Variants in TTN observed in about 807,000 individuals in gnomAD.
TTN encodes the protein titin.
A neutral mutation model predicts 3,223.0 loss-of-function variants in TTN; 1,525 were observed. The observed-to-expected ratio is 0.47, with a 90% CI of 0.45 to 0.49. TTN has a LOEUF of 0.49. Among genes scored for constraint, TTN ranks in the 20% least tolerant of loss-of-function variants. The pLI is 0.00. For missense variants in TTN, 40,786 were observed against 43,424.0 expected (o/e 0.94, Z 5.40); for synonymous variants, 14,094 against 15,161.0 (o/e 0.93, Z 5.17).
chr2:178,617,039 T>C, intron 255 of TTN, 26 bp from the exon 256 acceptor site: 1 of 1,611,802 alleles, frequency 6.2e-7, no homozygotes, highest in Non-Finnish European at 8.5e-7. Flanking sequence ...GTTAATGAGT[T>C]TGCAGTGCCA....
At chr2:178,646,764 T>C (rs1024449842) in intron 215 of TTN, among the ~76,000 whole-genome samples, 10 of 152,198 alleles carry the variant, frequency 6.6e-5, no homozygotes, top group Admixed American at 2.6e-4. Flanking sequence ...TGTATATTGA[T>C]GGCAAATGAG....
intron 228 of TTN, 51 bp downstream of exon 228, chr2:178,635,114 T>C (rs2060272683): frequency 1.2e-6 from 2 of 1,601,270 alleles, no homozygotes; most frequent in Middle Eastern, 1.7e-4. Flanking sequence ...TCCTGAATAT[T>C]GGATGTGGTT....
At position 178,592,575 on chromosome 2, in the gene TTN, G is replaced by T; in HGVS notation, c.59430C>A (p.Ile19810=). 6.2e-7 allele frequency: 1 copy of T among 1,613,450 alleles called. No individual in the cohort carries two copies. Among genetic ancestry groups the T allele is most frequent in the Non-Finnish European group, 8.5e-7 (1 of 1,179,598 alleles). The change falls in exon 301 of 363, where the codon ATC becomes ATA. Residue 19810 remains isoleucine, a synonymous_variant. Transcript: ENST00000589042. ...TTACTTTTGGGAATGGCACTCCTTTGATGATGGCACTAAGTCTTAGAGTAT... is the reference window on the plus strand; with the variant it reads ...TTACTTTTGGGAATGGCACTCCTTTTATGATGGCACTAAGTCTTAGAGTAT... The part of the protein sequence containing the change: ...VGDTLRLSAI[I]KGVPFPKVTW...
Position 178,528,744 on chromosome 2 carries a change from G to A in TTN, c.107007C>T (p.His35669=). The A allele has an allele frequency of 6.2e-7, 1 of 1,613,236 alleles. No individual in the cohort carries two copies. Among genetic ancestry groups the A allele is most frequent in the South Asian group, 1.1e-5 (1 of 91,022 alleles). ...TGCAGGTGAGGATTCCTTCATCTCT[G>A]TGACTGGCTTGCTTGATGGTTAGGG... ...DQTLTIKQAS[H]RDEGILTCIS... The change falls in exon 360 of 363, where the codon CAC becomes CAT. Residue 35669 remains histidine, a synonymous_variant. Coordinates refer to ENST00000589042, the MANE Select transcript of TTN (RefSeq NM_001267550.2).
chr2:178,532,535 A>C lies in TTN; in HGVS notation c.104080T>G (p.Ser34694Ala), dbSNP rs768203673. 24 of 1,613,962 alleles carry C rather than the reference A, an allele frequency of 1.5e-5. No homozygotes were observed. The highest frequency in any genetic ancestry group is 2.0e-5 in the Non-Finnish European group (24 of 1,179,854). ...TGTGGAGGGCTTCGACTTGGGGGTGAAGCTGAAAAACCTAACTCAAGCTCT... is the reference window on the plus strand; with the variant it reads ...TGTGGAGGGCTTCGACTTGGGGGTGCAGCTGAAAAACCTAACTCAAGCTCT... ...EEELELGFSASPPSRSPPHFE... is the reference protein window; with the variant it reads ...EEELELGFSAAPPSRSPPHFE... Residue 34694 changes from serine to alanine, a missense_variant, in exon 358 of 363, where the codon TCA (serine) becomes GCA (alanine). By Grantham distance (99) the Ser-to-Ala change is moderately conservative. Coordinates refer to ENST00000589042, the MANE Select transcript of TTN (RefSeq NM_001267550.2).
chr2:178,641,010 A>G (rs1358428970), intron 220 of TTN, among the ~76,000 whole-genome samples: 1 of 151,964 alleles, frequency 6.6e-6, no homozygotes, highest in East Asian at 1.9e-4. Context: ...GGAAGAACTT[A>G]AGTTGCAAAG....
In TTN at chr2:178,557,743, G is replaced by C. The variant is rs72648228; in HGVS notation, c.87611C>G (p.Thr29204Arg). 171 of 1,613,948 alleles carry C rather than the reference G, an allele frequency of 1.1e-4. No individual in the cohort carries two copies. The African/African-American group carries it at 2.1e-3, about 20-fold the overall frequency. Residue 29204 changes from threonine (T) to arginine (R), a missense_variant, in exon 328 of 363, where the codon ACA (threonine) becomes AGA (arginine). Thr to Arg is a moderately conservative substitution (Grantham distance 71). Transcript: ENST00000589042. ...RTMMKVMKLT[T>R]GEEYQFRIKA... ...GATGCGGAATTGGTATTCTTCTCCT[G>C]TGGTCAGTTTCATGACTTTCATCAT...
In TTN at chr2:178,575,235, G is replaced by A. The variant is rs1416809586; in HGVS notation, c.70897C>T (p.Leu23633=). ...TTCTGATAGATGCCACGGAGATCCA[G>A]CTCTGGAAGCATTGTCTGCTCCTTG... The part of the protein sequence containing the change: ...IVKEQTMLPE[L]DLRGIYQKLV... Residue 23633 remains leucine, a synonymous_variant, in exon 326 of 363, where the codon CTG becomes TTG. Coordinates refer to ENST00000589042, the MANE Select transcript of TTN (RefSeq NM_001267550.2). The surrounding 1 kb of genome is among the most constrained non-coding windows in gnomAD (Gnocchi z 4.0). 6.2e-7 allele frequency: 1 copy of A among 1,612,984 alleles called. No individual in the cohort carries two copies. The highest frequency in any genetic ancestry group is 8.5e-7 in the Non-Finnish European group (1 of 1,179,516).
rs1429064462 is a variant in TTN, at chr2:178,542,505, A to G, written c.97251T>C (p.Ile32417=). 1 of 1,612,576 alleles carries G rather than the reference A, an allele frequency of 6.2e-7. No homozygotes were observed. The highest frequency in any genetic ancestry group is 8.5e-7 in the Non-Finnish European group (1 of 1,178,772). The change falls in exon 349 of 363, where the codon ATT becomes ATC. Residue 32417 remains isoleucine (I), a synonymous_variant. Coordinates refer to ENST00000589042, the MANE Select transcript of TTN (RefSeq NM_001267550.2). ...ATTCAGGTGGTTCCCAGGAAATGGT[A>G]ATTGATGTAGCATCAATTTCATCAA... ...IKIDEIDATS[I]TISWEPPELD...
At position 178,622,737 on chromosome 2, in the gene TTN, GTGAGTGGTC is replaced by G. The variant is rs1436256356; in HGVS notation, c.44837_44845del (p.Arg14946_Leu14948del). The G allele has an allele frequency of 6.2e-7, 1 of 1,605,256 alleles. No homozygotes were observed. Among genetic ancestry groups the G allele is most frequent in the Non-Finnish European group, 8.5e-7 (1 of 1,175,776 alleles). On this transcript the variant is annotated inframe_deletion, in exon 243 of 363. Coordinates refer to ENST00000589042, the MANE Select transcript of TTN (RefSeq NM_001267550.2). ...TTCTTTTTCTCTAACTTGAAGGTCG[GTGAGTGGTC>G]TTAAGAATTCCACATGAGGAGCTGT...
Position 178,539,430 on chromosome 2 carries a change from T to C in TTN, c.98635A>G (p.Ser32879Gly), listed in dbSNP as rs376395673. Reference protein sequence around the residue: ...RVSAENQFGISKPLKSEEPVT... With the variant: ...RVSAENQFGIGKPLKSEEPVT... ...GGTTCCTCAGATTTCAAGGGTTTGC[T>C]TATGCCAAACTGGTTTTCTGCTGAA... Residue 32879 changes from serine (S) to glycine (G), a missense_variant, in exon 352 of 363, where the codon AGC (serine) becomes GGC (glycine). Coordinates refer to ENST00000589042, the MANE Select transcript of TTN (RefSeq NM_001267550.2). 2 of 1,613,854 alleles carry C rather than the reference T, an allele frequency of 1.2e-6. No homozygotes were observed. Among genetic ancestry groups the C allele is most frequent in the Non-Finnish European group, 1.7e-6 (2 of 1,179,790 alleles).
Position 178,768,732 on chromosome 2 carries a change from G to A in TTN, c.9104C>T (p.Ala3035Val). 3 of 1,614,106 alleles carry A rather than the reference G, an allele frequency of 1.9e-6. No homozygotes were observed. The highest frequency in any genetic ancestry group is 2.5e-6 in the Non-Finnish European group (3 of 1,180,008). ...LNIRNVHFGD[A>V]ADYTFVAGKA... ...TCCAGCCACAAAGGTGTAGTCAGCA[G>A]CATCCCCAAAGTGAACATTCCTGAT... is the stretch of plus-strand genomic sequence containing the variant. The change falls in exon 38 of 363, where the codon GCT becomes GTT. Residue 3035 changes from alanine (A) to valine (V), a missense_variant. Physicochemically the swap from Ala to Val is moderately conservative, Grantham distance 64 (BLOSUM62 0). Coordinates refer to ENST00000589042, the MANE Select transcript of TTN (RefSeq NM_001267550.2).
chr2:178,777,530 G>A lies in TTN; in HGVS notation c.4535C>T (p.Thr1512Ile), dbSNP rs375794484. 6 of 1,613,894 alleles carry A rather than the reference G, an allele frequency of 3.7e-6. No individual in the cohort carries two copies. In the African/African-American group the frequency reaches 8.0e-5, roughly 22 times the overall value. The part of the protein sequence containing the change: ...THKVVIKEDG[T>I]QSLIIVPATP... ...GGCAGGGACAATAATTAGTGATTGAGTACCATCTTCTTTAATGACTACTTT... is the reference window on the plus strand; with the variant it reads ...GGCAGGGACAATAATTAGTGATTGAATACCATCTTCTTTAATGACTACTTT... Residue 1512 changes from threonine (T) to isoleucine (I), a missense_variant, in exon 26 of 363, where the codon ACT (threonine) becomes ATT (isoleucine). Thr to Ile is a moderately conservative substitution (Grantham distance 89). Transcript: ENST00000589042.
Position 178,723,974 on chromosome 2 carries a change from T to G in TTN, c.21285A>C (p.Ser7095=), listed in dbSNP as rs1205152290. 8 of 1,613,502 alleles carry G rather than the reference T, an allele frequency of 5.0e-6. No individual in the cohort carries two copies. Among genetic ancestry groups the G allele is most frequent in the Non-Finnish European group, 6.8e-6 (8 of 1,179,642 alleles). ...VSGAKYQTTF[S]DNVCTLQLNS... ...TCAACTGCAATGTGCAGACATTATC[T>G]GAAAATGTGGTTTGGTACTTTGCTC... The change falls in exon 73 of 363, where the codon TCA becomes TCC. Residue 7095 remains serine, a synonymous_variant. Transcript: ENST00000589042.
intron 100 of TTN, 109 bp from the exon 101 acceptor site, chr2:178,707,063 T>C: frequency 1.1e-6 from 1 of 890,778 alleles, no homozygotes; most frequent in Non-Finnish European, 1.7e-6. Context: ...AAGTAAGTAC[T>C]GCAGAATTCT....
rs1205546695 is a variant in TTN at position 178,756,447 on chromosome 2, C to T, written c.11029G>A (p.Ala3677Thr). ...TCTTTTAAAACACAGAGGAATTGAG[C>T]CGTGTCACCGCACTTTACAGTGACG... ...QDVTVKCGDTAQFLCVLKDDS... is the reference protein window; with the variant it reads ...QDVTVKCGDTTQFLCVLKDDS... Residue 3677 changes from alanine (A) to threonine (T), a missense_variant, in exon 46 of 363, where the codon GCT (alanine) becomes ACT (threonine). Ala to Thr is a moderately conservative substitution (Grantham distance 58). Transcript: ENST00000589042. 1 of 1,613,770 alleles carries T rather than the reference C, an allele frequency of 6.2e-7. No homozygotes were observed. Among genetic ancestry groups the T allele is most frequent in the Non-Finnish European group, 8.5e-7 (1 of 1,179,790 alleles).
At position 178,631,101 on chromosome 2, in the gene TTN, T is replaced by C. The variant is rs2059746365; in HGVS notation, c.43947A>G (p.Lys14649=). ...KRMLILKKAL[K]SDIGQYTCDC... Reference sequence around the variant, plus strand: ...CACAGGTGTACTGTCCAATATCTGATTTCAAGGCTTTCTTTAGGATTAGCA... The same window carrying C: ...CACAGGTGTACTGTCCAATATCTGACTTCAAGGCTTTCTTTAGGATTAGCA... Residue 14649 remains lysine, a synonymous_variant, in exon 237 of 363, where the codon AAA becomes AAG. Coordinates refer to ENST00000589042, the MANE Select transcript of TTN (RefSeq NM_001267550.2). 6.8e-6 allele frequency: 11 copies of C among 1,613,394 alleles called. No individual in the cohort carries two copies. Among genetic ancestry groups the C allele is most frequent in the Non-Finnish European group, 9.3e-6 (11 of 1,179,594 alleles).
At chr2:178,677,345 T>C (rs2068320682) in intron 146 of TTN, 58 bp from the exon 147 acceptor site, 2 of 467,004 alleles carry the variant, frequency 4.3e-6, no homozygotes, top group Middle Eastern at 7.9e-4. Context: ...CATATATATA[T>C]ATATATATAT....
In TTN at chr2:178,724,396, T is replaced by C. The variant is rs2078978211; in HGVS notation, c.20979A>G (p.Lys6993=). 5 of 1,613,388 alleles carry C rather than the reference T, an allele frequency of 3.1e-6. No homozygotes were observed. Among genetic ancestry groups the C allele is most frequent in the African/African-American group, 1.3e-5 (1 of 74,882 alleles). ...KDGKLLTSSQ[K]HKFSFYNKIS... is the part of the protein sequence containing the mutation. The stretch of plus-strand genomic sequence containing the variant: ...TTTTGTTGTAGAAGCTAAATTTGTG[T>C]TTTTGGCTGCTGGTCAACAGCTTTC... The change falls in exon 72 of 363, where the codon AAA becomes AAG. Residue 6993 remains lysine, a synonymous_variant. Coordinates refer to ENST00000589042, the MANE Select transcript of TTN (RefSeq NM_001267550.2).
Sources: allele counts gnomAD v4.1 joint callset (sites outside exome capture counted in the v4.1 genomes callset), GRCh38; gene constraint gnomAD v4.1.1; non-coding constraint Gnocchi (gnomAD v3.1); transcripts MANE v1.5; gene names NCBI Gene and HGNC (gene_info 2026-07-23, HGNC 2026-07-21).